Variants in SCEL observed in about 807,000 individuals in gnomAD.
The protein encoded by SCEL is sciellin.
In SCEL, 113 loss-of-function variants were observed where a neutral mutation model predicts 117.6. That is an observed-to-expected ratio of 0.96 (90% CI 0.83 to 1.12). The LOEUF (loss-of-function observed/expected upper bound fraction) is 1.12, where lower values mean the gene tolerates loss of function less well. Among genes scored for constraint, SCEL ranks in the 50% most tolerant of loss-of-function variants. The probability of loss-of-function intolerance (pLI) is 0.00; values close to 1 mark genes in which losing one functional copy is unlikely to be tolerated. For missense variants in SCEL, 785 were observed against 810.8 expected, an observed-to-expected ratio of 0.97 and a Z score of 0.39; for synonymous variants, 270 against 256.2, an observed-to-expected ratio of 1.05 and a Z score of -0.51.
chr13:77,623,991 C>A (rs1471113678), intron 27 of SCEL, among the ~76,000 whole-genome samples: 1 of 152,070 alleles, frequency 6.6e-6, no homozygotes, highest in South Asian at 2.1e-4. Context: ...AGTCCAAGAT[C>A]AAGCTGTCAG....
At chr13:77,607,969 GT>G (rs2088344113) in intron 19 of SCEL, 86 bp from the exon 20 acceptor site, 1 of 1,072,928 alleles carries the variant, frequency 9.3e-7, no homozygotes, top group Non-Finnish European at 1.4e-6. Context: ...CTGCTTCTGA[GT>G]TTTAATGAAA....
At chr13:77,544,342 A>T (rs2083883290) in intron 1 of SCEL, among the ~76,000 whole-genome samples, 1 of 152,142 alleles carries the variant, frequency 6.6e-6, no homozygotes, top group Non-Finnish European at 1.5e-5. Flanking sequence ...TGTTCACACA[A>T]TCTTTCTTAA....
chr13:77,551,949 G>GT lies in SCEL; in HGVS notation c.-19-3902dup, dbSNP rs1470982692. Reference sequence around the variant, plus strand: ...TATGAGTGAGAATATGCGGTGTTTGGTTTTTTGTTCTTACGATAGTTTACT... The same window carrying GT: ...TATGAGTGAGAATATGCGGTGTTTGGTTTTTTTGTTCTTACGATAGTTTACT... On this transcript the variant is annotated intron_variant, in intron 1 of 32. Coordinates refer to ENST00000349847, the MANE Select transcript of SCEL (RefSeq NM_144777.3). 2.0e-3 allele frequency among the ~76,000 whole-genome samples: 292 copies of GT among 148,358 alleles called. 1 individual carries two copies. The highest frequency in any genetic ancestry group is 7.1e-3 in the African/African-American group (284 of 40,142).
chr13:77,627,893 T>C lies in SCEL; in HGVS notation c.1629-54T>C, dbSNP rs529776699. 9 of 733,970 alleles carry C rather than the reference T, an allele frequency of 1.2e-5. No individual in the cohort carries two copies. The East Asian group carries it at 2.8e-4, about 23-fold the overall frequency. 45.5% of individuals were successfully genotyped at this position (733,970 alleles called of 1,614,324 possible). A position where few individuals can be genotyped will look rare whatever the true frequency, so the allele number is the denominator to read the frequency against. ...GATTTTAAAATGTTTTAGCATTTTC[T>C]TATTTCCTATCATTATGTTGTAATT... is the stretch of plus-strand genomic sequence containing the variant. On this transcript the variant is annotated intron_variant, in intron 27 of 32. Coordinates refer to ENST00000349847, the MANE Select transcript of SCEL (RefSeq NM_144777.3).
chr13:77,568,948 A>G (rs536387855), intron 7 of SCEL, among the ~76,000 whole-genome samples: 1 of 152,356 alleles, frequency 6.6e-6, no homozygotes, highest in East Asian at 1.9e-4. Context: ...CTCTGCATAT[A>G]TGAATAAATG....
At chr13:77,540,173 T>C (rs1023809695) in intron 1 of SCEL, among the ~76,000 whole-genome samples, 2 of 152,226 alleles carry the variant, frequency 1.3e-5, no homozygotes, top group African/African-American at 2.4e-5. Flanking sequence ...CAACAAAATA[T>C]ATTGTAAAAA....
At chr13:77,577,297 C>T (rs2086000168) in intron 9 of SCEL, among the ~76,000 whole-genome samples, 1 of 152,114 alleles carries the variant, frequency 6.6e-6, no homozygotes. Context: ...CACAGTTCCA[C>T]CTTGCTGGGG....
At position 77,559,832 on chromosome 13, in the gene SCEL, A is replaced by C. The variant is rs2084873589; in HGVS notation, c.190A>C (p.Asn64His). Reference sequence around the variant, plus strand: ...TGAAAATTACGGTAGGGTGGTGCTCAACCGACATAATTCCCATGATGCATT... The same window carrying C: ...TGAAAATTACGGTAGGGTGGTGCTCCACCGACATAATTCCCATGATGCATT... ...KDENYGRVVL[N>H]RHNSHDALDR... The change falls in exon 4 of 33, where the codon AAC becomes CAC. Residue 64 changes from asparagine (N) to histidine (H), a missense_variant. Transcript: ENST00000349847. 6.2e-7 allele frequency: 1 copy of C among 1,613,826 alleles called. No homozygotes were observed. Among genetic ancestry groups the C allele is most frequent in the Non-Finnish European group, 8.5e-7 (1 of 1,179,894 alleles).
chr13:77,585,272 G>A (rs1034415785), intron 9 of SCEL, among the ~76,000 whole-genome samples: 3 of 152,214 alleles, frequency 2.0e-5, no homozygotes, highest in Non-Finnish European at 4.4e-5. Flanking sequence ...TGTTATGGGG[G>A]AATGTAGGGA....
At chr13:77,556,376 G>A (rs2084657464) in intron 2 of SCEL, among the ~76,000 whole-genome samples, 1 of 152,298 alleles carries the variant, frequency 6.6e-6, no homozygotes, top group South Asian at 2.1e-4. Context: ...GGCACTGGCA[G>A]TTTCAGTTGG....
chr13:77,569,464 C>A lies in SCEL; in HGVS notation c.479+13C>A. Reference sequence around the variant, plus strand: ...TAAAGAAGAAGAGGTAGGATGAACTCACTGTGTCTACCTCTTGCTGATACA... The same window carrying A: ...TAAAGAAGAAGAGGTAGGATGAACTAACTGTGTCTACCTCTTGCTGATACA... On this transcript the variant is annotated intron_variant, in intron 8 of 32. Coordinates refer to ENST00000349847, the MANE Select transcript of SCEL (RefSeq NM_144777.3). The A allele has an allele frequency of 6.3e-7, 1 of 1,590,138 alleles. No individual in the cohort carries two copies. Among genetic ancestry groups the A allele is most frequent in the South Asian group, 1.1e-5 (1 of 90,536 alleles).
chr13:77,597,221 G>T (rs2087293796), intron 12 of SCEL: 3 of 287,504 alleles, frequency 1.0e-5, no homozygotes, highest in Admixed American at 1.1e-4. Flanking sequence ...GTGTGCCTGT[G>T]CTGAGGTAGG....
At chr13:77,537,198 CG>C (rs1296699911) in intron 1 of SCEL, among the ~76,000 whole-genome samples, 2 of 152,156 alleles carry the variant, frequency 1.3e-5, no homozygotes, top group African/African-American at 4.8e-5. Flanking sequence ...ATGTTAGCGT[CG>C]TATAAATCTT....
intron 1 of SCEL, among the ~76,000 whole-genome samples, chr13:77,543,921 C>T (rs2083858914): frequency 1.3e-5 from 2 of 152,160 alleles, no homozygotes; most frequent in African/African-American, 4.8e-5. Context: ...TATGTAACCT[C>T]AGGCAAACTA....
At chr13:77,597,400 C>T (rs936455625) in intron 12 of SCEL, 145 bp from the exon 13 acceptor site, 10 of 558,544 alleles carry the variant, frequency 1.8e-5, no homozygotes, top group Admixed American at 4.0e-5. Flanking sequence ...GTGTTGGATG[C>T]GAGCTTTGAG....
chr13:77,570,667 A>C (rs535758169), intron 8 of SCEL, among the ~76,000 whole-genome samples: 6 of 152,208 alleles, frequency 3.9e-5, no homozygotes, highest in African/African-American at 1.4e-4. Flanking sequence ...TTCTCATCTG[A>C]ATATCTTCAG....
At chr13:77,591,348 G>C in intron 10 of SCEL, 47 bp from the exon 11 acceptor site, 2 of 1,144,550 alleles carry the variant, frequency 1.7e-6, no homozygotes, top group Non-Finnish European at 2.6e-6. Flanking sequence ...TTATCAAAAA[G>C]TGTTTTCTTT....
rs538817737 is a variant in SCEL at position 77,613,231 on chromosome 13, TAATA to T, written c.1388+294_1388+297del. On this transcript the variant is annotated intron_variant, in intron 23 of 32. Coordinates refer to ENST00000349847, the MANE Select transcript of SCEL (RefSeq NM_144777.3). ...TAGATTATAACCATAAGTTCATAGTTAATAAATTACAAGTTCATAAAACTGAACA... is the reference window on the plus strand; with the variant it reads ...TAGATTATAACCATAAGTTCATAGTTAATTACAAGTTCATAAAACTGAACA... Among the ~76,000 whole-genome samples the T allele has an allele frequency of 2.5e-3, 376 of 152,290 alleles. 2 individuals are homozygous for T. Among genetic ancestry groups the T allele is most frequent in the African/African-American group, 8.3e-3 (345 of 41,570 alleles).
chr13:77,539,405 TAAC>T (rs940854825), intron 1 of SCEL, among the ~76,000 whole-genome samples: 29 of 151,970 alleles, frequency 1.9e-4, no homozygotes, highest in African/African-American at 6.5e-4. Context: ...ATTTAAAAAA[TAAC>T]AACATTTTAT....
Sources: allele counts gnomAD v4.1 joint callset (sites outside exome capture counted in the v4.1 genomes callset), GRCh38; gene constraint gnomAD v4.1.1; transcripts MANE v1.5; gene names NCBI Gene and HGNC (gene_info 2026-07-23, HGNC 2026-07-21).